ADD3: variants seen among roughly 807,000 people sequenced by gnomAD.
ADD3 encodes adducin 3, also known as gamma-adducin.
Under a neutral mutation model 80.2 loss-of-function variants are expected in ADD3, and 25 were observed. That is an observed-to-expected ratio of 0.31 (90% CI 0.23 to 0.44). The LOEUF (loss-of-function observed/expected upper bound fraction) is 0.44, where lower values mean the gene tolerates loss of function less well. Among genes scored for constraint, ADD3 ranks in the 20% least tolerant of loss-of-function variants. The pLI is 1.00. For missense variants in ADD3, 829 were observed against 847.5 expected, an observed-to-expected ratio of 0.98 and a Z score of 0.27; for synonymous variants, 284 against 289.6, an observed-to-expected ratio of 0.98 and a Z score of 0.20.
chr10:109,999,742 C>A lies in ADD3; in HGVS notation n.79+3296C>A, dbSNP rs184913140. ...CTCATTATTAATAAAACTATCATAT[C>A]TTAATAATTATTAAAATAAAAATAT... On this transcript the variant is annotated intron_variant and non_coding_transcript_variant, in intron 1 of 5. Transcript: ENST00000468251. Among the ~76,000 whole-genome samples, 967 of 152,110 alleles carry A rather than the reference C, an allele frequency of 6.4e-3. 6 individuals are homozygous for A. Among genetic ancestry groups the A allele is most frequent in the Non-Finnish European group, 9.0e-3 (615 of 67,996 alleles).
intron 1 of ADD3, among the ~76,000 whole-genome samples, chr10:110,040,387 T>C (rs4595478): frequency 0.65 from 98,563 of 152,082 alleles, 36,947 homozygotes; most frequent in Non-Finnish European, 0.83. Context: ...TTGAACAGAT[T>C]GACACTGGCA....
chr10:110,124,303 T>A (rs1202349979), intron 10 of ADD3, 29 bp downstream of exon 10: 1 of 1,599,248 alleles, frequency 6.3e-7, no homozygotes. Context: ...TAGTTTGCCT[T>A]TACTAAATAT....
At chr10:110,118,510 A>AC in intron 5 of ADD3, 77 bp from the exon 6 acceptor site, 1 of 1,305,060 alleles carries the variant, frequency 7.7e-7, no homozygotes, top group Non-Finnish European at 1.1e-6. Context: ...AAGGTTTGCT[A>AC]CCCCCTGGTT....
At chr10:110,084,814 C>T (rs1052320325) in intron 1 of ADD3, among the ~76,000 whole-genome samples, 1 of 152,098 alleles carries the variant, frequency 6.6e-6, no homozygotes, top group East Asian at 1.9e-4. Flanking sequence ...TCCTAACAAA[C>T]GTATGAAAGT....
intron 1 of ADD3, among the ~76,000 whole-genome samples, chr10:110,063,676 T>C (rs1026545865): frequency 8.4e-5 from 12 of 142,730 alleles, no homozygotes; most frequent in African/African-American, 2.1e-4. Flanking sequence ...GTTTAACATA[T>C]ATATAGAAAA....
At chr10:110,097,898 C>G (rs376234353) in intron 1 of ADD3, among the ~76,000 whole-genome samples, 1 of 151,932 alleles carries the variant, frequency 6.6e-6, no homozygotes, top group African/African-American at 2.4e-5. Context: ...CCTCAGCCTC[C>G]TGAGTAGCTG....
At chr10:110,132,613 G>C (rs1487444943) in intron 14 of ADD3, 4 of 502,084 alleles carry the variant, frequency 8.0e-6, no homozygotes, top group African/African-American at 2.0e-5. Flanking sequence ...TCTGAATTTT[G>C]GCAACCCGCA....
At chr10:110,022,350 A>G (rs1437048671) in intron 1 of ADD3, among the ~76,000 whole-genome samples, 1 of 152,134 alleles carries the variant, frequency 6.6e-6, no homozygotes, top group African/African-American at 2.4e-5. Flanking sequence ...TAGCCAACCC[A>G]AAGTTATATT....
chr10:109,996,602 T>A (rs1349517784), intron 1 of ADD3, among the ~76,000 whole-genome samples: 2 of 152,228 alleles, frequency 1.3e-5, no homozygotes, highest in Non-Finnish European at 2.9e-5. Context: ...AAATGAGAAC[T>A]AAATTTAATG....
chr10:110,064,583 ATTTTTC>A (rs1409680004), intron 1 of ADD3, among the ~76,000 whole-genome samples: 2 of 151,890 alleles, frequency 1.3e-5, no homozygotes, highest in African/African-American at 4.8e-5. Context: ...AAATTGGGTT[ATTTTTC>A]TTTTTATTAT....
chr10:110,084,544 G>C (rs1390309332), intron 1 of ADD3, among the ~76,000 whole-genome samples: 1 of 152,184 alleles, frequency 6.6e-6, no homozygotes, highest in Non-Finnish European at 1.5e-5. Context: ...TGTAGATAAA[G>C]TGAAAAGTAT....
intron 1 of ADD3, among the ~76,000 whole-genome samples, chr10:110,020,517 A>G (rs980768524): frequency 1.3e-5 from 2 of 150,766 alleles, no homozygotes; most frequent in African/African-American, 2.4e-5. Context: ...AAACAAGCCA[A>G]AGGCCCCGAG....
At chr10:110,098,316 T>C (rs1043639353) in intron 1 of ADD3, among the ~76,000 whole-genome samples, 5 of 152,148 alleles carry the variant, frequency 3.3e-5, no homozygotes, top group Non-Finnish European at 5.9e-5. Flanking sequence ...TGGGAGTATT[T>C]TTAAGTGGCT....
At chr10:110,035,621 A>G (rs912021096) in intron 1 of ADD3, among the ~76,000 whole-genome samples, 4 of 152,074 alleles carry the variant, frequency 2.6e-5, no homozygotes, top group African/African-American at 9.7e-5. Context: ...ATCCTTTTAG[A>G]CTAGTGGTAC....
At chr10:110,003,080 C>G (rs1273602049), upstream of ADD3, among the ~76,000 whole-genome samples, 1 of 152,138 alleles carries the variant, frequency 6.6e-6, no homozygotes, top group African/African-American at 2.4e-5. Context: ...TCATCTAACT[C>G]CACTGATTAA....
Position 110,065,539 on chromosome 10 carries a change from CTTTTT to C in ADD3, c.-29-35072_-29-35068del, listed in dbSNP as rs1217733559. 1.3e-4 allele frequency among the ~76,000 whole-genome samples: 4 copies of C among 31,186 alleles called. 1 individual carries two copies. Among genetic ancestry groups the C allele is most frequent in the Non-Finnish European group, 2.2e-4 (3 of 13,362 alleles). The allele number at this position is 31,186 out of a possible 152,430, so 20.5% of individuals were successfully genotyped here. A position where few individuals can be genotyped will look rare whatever the true frequency, so the allele number is the denominator to read the frequency against. On this transcript the variant is annotated intron_variant, in intron 1 of 14. Transcript: ENST00000356080. ...TTTTTTCTTAGCCTCTCTCTCTCCC[CTTTTT>C]TTTTTTTTTTTTTGAGAAAGAATCT...
At chr10:110,045,253 C>T (rs1161269139) in intron 1 of ADD3, among the ~76,000 whole-genome samples, 1 of 152,046 alleles carries the variant, frequency 6.6e-6, no homozygotes, top group Non-Finnish European at 1.5e-5. Flanking sequence ...ACTTGGGAGG[C>T]TAAGGCAGAA....
intron 3 of ADD3, 100 bp downstream of exon 3, chr10:110,113,015 G>A: frequency 7.9e-7 from 1 of 1,271,846 alleles, no homozygotes; most frequent in Non-Finnish European, 1.1e-6. Flanking sequence ...CAGTCCTTAA[G>A]TTTATAACAT....
At chr10:110,026,241 T>A (rs1244501409) in intron 1 of ADD3, among the ~76,000 whole-genome samples, 2 of 151,998 alleles carry the variant, frequency 1.3e-5, no homozygotes, top group Admixed American at 6.6e-5. Flanking sequence ...TTAGGTCATT[T>A]GAGTGAAATA....
Sources: gnomAD v4.1 joint callset for allele counts (sites outside exome capture counted in the v4.1 genomes callset) on GRCh38, gnomAD v4.1.1 for gene constraint, MANE v1.5 for transcripts, NCBI Gene and HGNC (gene_info 2026-07-23, HGNC 2026-07-21) for gene names.